The following F8 variants were observed in gnomAD, a reference collection of about 807,000 sequenced individuals.
F8 encodes antihemophilic factor.
A neutral mutation model predicts 140.6 loss-of-function variants in F8; 12 were observed. The observed-to-expected ratio is 0.09, with a 90% CI of 0.05 to 0.14. The LOEUF (loss-of-function observed/expected upper bound fraction) is 0.14, where lower values mean the gene tolerates loss of function less well. F8 is among the 10% of genes least tolerant of loss of function. The pLI is 1.00. For synonymous variants in F8, 585 were observed against 614.6 expected, an observed-to-expected ratio of 0.95 and a Z score of 0.71; for missense variants, 1,354 against 1,720.7, an observed-to-expected ratio of 0.79 and a Z score of 3.77.
intron 4 of F8, among the ~76,000 whole-genome samples, chrX:154,991,355 A>T (rs781839403): frequency 1.8e-5 from 2 of 112,546 alleles, no homozygotes; most frequent in Admixed American, 1.9e-4. Context: ...AGAGTGGGGA[A>T]AAAGGTATAC....
intron 1 of F8, among the ~76,000 whole-genome samples, chrX:155,016,657 C>A (rs2073735775): frequency 8.9e-6 from 1 of 112,541 alleles, no homozygotes; most frequent in African/African-American, 3.2e-5. Context: ...AGAATACATA[C>A]CGTATGATTC....
chrX:154,962,035 A>G (rs1355620793), intron 9 of F8, among the ~76,000 whole-genome samples: 1 of 112,058 alleles, frequency 8.9e-6, no homozygotes, highest in African/African-American at 3.2e-5. Flanking sequence ...TCTCCACCCC[A>G]AAGTGAACAT....
chrX:154,841,856 G>T (rs1427150590), intron 25 of F8, among the ~76,000 whole-genome samples: 2 of 111,224 alleles, frequency 1.8e-5, no homozygotes, highest in African/African-American at 6.5e-5. Flanking sequence ...TGAATAAAAC[G>T]GGCCTATTAT....
chrX:154,926,621 C>T (rs1216798351), intron 14 of F8, among the ~76,000 whole-genome samples: 1 of 111,747 alleles, frequency 8.9e-6, no homozygotes, highest in Non-Finnish European at 1.9e-5. Context: ...ACCAATCCAC[C>T]TGCCTCAGCT....
intron 9 of F8, 116 bp from the exon 10 acceptor site, chrX:154,961,284 A>C: frequency 2.0e-6 from 1 of 490,230 alleles, no homozygotes; most frequent in Non-Finnish European, 3.6e-6. Context: ...TAGTAATTTG[A>C]GGCTAGATAA....
chrX:154,874,321 A>C (rs782119390), intron 22 of F8, among the ~76,000 whole-genome samples: 11 of 112,459 alleles, frequency 9.8e-5, no homozygotes, highest in Non-Finnish European at 1.9e-4. Flanking sequence ...CTTATTATGG[A>C]CTCTAATTTA....
At chrX:154,879,534 T>C (rs2072843061) in intron 22 of F8, among the ~76,000 whole-genome samples, 1 of 112,504 alleles carries the variant, frequency 8.9e-6, no homozygotes, top group South Asian at 3.7e-4. Context: ...TTACGTGAGA[T>C]AGTCAACACT....
intron 21 of F8, 72 bp from the exon 22 acceptor site, chrX:154,896,304 A>G (rs373208495): frequency 9.4e-7 from 1 of 1,058,514 alleles, no homozygotes. Flanking sequence ...ACTAATTATT[A>G]GCTTAGGAAG....
At chrX:154,861,024 TCTTC>T (rs1251838652) in intron 24 of F8, among the ~76,000 whole-genome samples, 1 of 110,945 alleles carries the variant, frequency 9.0e-6, no homozygotes, top group African/African-American at 3.3e-5. Flanking sequence ...TCTTTCTTTT[TCTTC>T]CTTCCTTCTT....
chrX:154,952,732 C>T (rs28742985), intron 12 of F8, among the ~76,000 whole-genome samples: 2 of 109,943 alleles, frequency 1.8e-5, no homozygotes, highest in South Asian at 3.9e-4. Context: ...TTAGTAGAGA[C>T]GGGGTTTCAC....
At chrX:155,011,770 A>T (rs1213145562) in intron 1 of F8, among the ~76,000 whole-genome samples, 1 of 112,668 alleles carries the variant, frequency 8.9e-6, no homozygotes, top group African/African-American at 3.2e-5. Context: ...AGATTTTTTT[A>T]AATTAAAAAA....
At chrX:154,966,795 T>C in intron 7 of F8, 108 bp from the exon 8 acceptor site, 1 of 980,907 alleles carries the variant, frequency 1.0e-6, no homozygotes, top group Non-Finnish European at 1.4e-6. Context: ...GGCTCATGTT[T>C]CTGCAGGCTA....
intron 22 of F8, among the ~76,000 whole-genome samples, chrX:154,879,815 A>G (rs1279833508): frequency 9.0e-6 from 1 of 110,874 alleles, no homozygotes; most frequent in Non-Finnish European, 1.9e-5. Flanking sequence ...ATGAGATCTG[A>G]TGGTTTAAAA....
chrX:154,952,815 T>A (rs1315842841), intron 12 of F8, among the ~76,000 whole-genome samples: 3 of 112,012 alleles, frequency 2.7e-5, no homozygotes, highest in Non-Finnish European at 5.6e-5. Flanking sequence ...GTGCTGGGAT[T>A]ACAGGCGTGA....
At chrX:154,959,361 G>A (rs2073383696) in intron 10 of F8, among the ~76,000 whole-genome samples, 1 of 111,087 alleles carries the variant, frequency 9.0e-6, no homozygotes, top group South Asian at 3.8e-4. Context: ...ACTCCAGCCT[G>A]GGTGACAGAG....
At chrX:154,849,529 T>C (rs1265790962) in intron 25 of F8, among the ~76,000 whole-genome samples, 2 of 104,497 alleles carry the variant, frequency 1.9e-5, no homozygotes, top group African/African-American at 7.0e-5. Context: ...TGGGCTCAAG[T>C]GATCCTCCCA....
chrX:154,854,055 A>T (rs1242252150), intron 25 of F8, among the ~76,000 whole-genome samples: 1 of 111,776 alleles, frequency 8.9e-6, no homozygotes, highest in African/African-American at 3.3e-5. Context: ...GAAACTCTGT[A>T]CTCATTAAAA....
intron 14 of F8, among the ~76,000 whole-genome samples, chrX:154,922,557 GA>G (rs2124036578): frequency 1.8e-5 from 2 of 111,461 alleles, no homozygotes; most frequent in South Asian, 3.8e-4. Context: ...TAAGTGCATT[GA>G]AAAAAAATGG....
rs182222314 is a variant in F8, at chrX:154,892,537, A to G, written c.6429+3540T>C. ...CTAACTGCTCATTTTCTTCCTTGGC[A>G]AATATGTTATCTCTGTGTTTCTTGA... On this transcript the variant is annotated intron_variant, in intron 22 of 25. Transcript: ENST00000360256. 4.4e-5 allele frequency among the ~76,000 whole-genome samples: 5 copies of G among 112,550 alleles called. No homozygotes were observed. In the East Asian group the frequency reaches 1.4e-3, roughly 31 times the overall value.
Sources: gnomAD v4.1 joint callset for allele counts (sites outside exome capture counted in the v4.1 genomes callset) on GRCh38, gnomAD v4.1.1 for gene constraint, MANE v1.5 for transcripts, NCBI Gene and HGNC (gene_info 2026-07-23, HGNC 2026-07-21) for gene names.